SSH2: variants seen among roughly 807,000 people sequenced by gnomAD.
The protein encoded by SSH2 is protein phosphatase Slingshot homolog 2.
A neutral mutation model predicts 135.2 loss-of-function variants in SSH2; 37 were observed. The observed-to-expected ratio is 0.27, with a 90% confidence interval of 0.21 to 0.36. The LOEUF (loss-of-function observed/expected upper bound fraction) is 0.36. SSH2 is among the 10% of genes least tolerant of loss of function. The pLI is 1.00. For missense variants in SSH2, 1,408 were observed against 1,765.3 expected (o/e 0.80, Z 3.63); for synonymous variants, 628 against 646.2 (o/e 0.97, Z 0.43).
At chr17:29,912,144 T>C (rs1380901122) in intron 1 of SSH2, among the ~76,000 whole-genome samples, 1 of 152,190 alleles carries the variant, frequency 6.6e-6, no homozygotes, top group Non-Finnish European at 1.5e-5. Context: ...GCTGGCACTG[T>C]ACCTTTTACC....
chr17:29,897,722 G>C (rs1039840548), intron 1 of SSH2, among the ~76,000 whole-genome samples: 30 of 152,144 alleles, frequency 2.0e-4, no homozygotes, highest in Non-Finnish European at 3.8e-4. Flanking sequence ...AGATCAATGA[G>C]ACAGAAGGTT....
intron 14 of SSH2, 45 bp from the exon 15 acceptor site, chr17:29,636,847 G>A: frequency 7.4e-7 from 1 of 1,345,306 alleles, no homozygotes; most frequent in Non-Finnish European, 1.0e-6. Flanking sequence ...GGTTTGTAAA[G>A]ATAATCAACA....
chr17:29,881,197 A>G (rs2066131487), intron 1 of SSH2, among the ~76,000 whole-genome samples: 1 of 152,236 alleles, frequency 6.6e-6, no homozygotes, highest in Admixed American at 6.5e-5. Context: ...AAAGTGACTA[A>G]AGAGTTTTTA....
chr17:29,908,491 G>A (rs1380871701), intron 1 of SSH2, among the ~76,000 whole-genome samples: 3 of 151,892 alleles, frequency 2.0e-5, no homozygotes, highest in African/African-American at 4.8e-5. Context: ...CTGGCTGGGC[G>A]CAGTGGCTCA....
intron 3 of SSH2, among the ~76,000 whole-genome samples, chr17:29,788,025 G>A (rs543051282): frequency 6.6e-5 from 10 of 152,112 alleles, no homozygotes; most frequent in Admixed American, 3.3e-4. Context: ...CACTGCATTC[G>A]GCCTTGAGCA....
intron 2 of SSH2, among the ~76,000 whole-genome samples, chr17:29,845,818 C>G (rs1003622234): frequency 6.6e-6 from 1 of 152,010 alleles, no homozygotes; most frequent in African/African-American, 2.4e-5. Context: ...CCTTGGCCTC[C>G]GAAAGTGTTG....
rs1211155957 is a variant in SSH2 at position 29,761,878 on chromosome 17, TA to T, written c.188+32015del. ...GTGTGTGTGTGTGTGTGTGTATATA[TA>T]TATATATATTTTTTTTTGAGATGGA... On this transcript the variant is annotated intron_variant, in intron 3 of 15. Transcript: ENST00000540801. 1.9e-3 allele frequency among the ~76,000 whole-genome samples: 268 copies of T among 139,098 alleles called. 1 individual carries two copies. Among genetic ancestry groups the T allele is most frequent in the Middle Eastern group, 7.6e-3 (2 of 264 alleles). The allele number at this position is 139,098 out of a possible 152,430, so 91.3% of individuals were successfully genotyped here.
intron 1 of SSH2, among the ~76,000 whole-genome samples, chr17:29,904,802 G>T (rs2066623355): frequency 6.6e-6 from 1 of 152,154 alleles, no homozygotes; most frequent in Admixed American, 6.5e-5. Flanking sequence ...CTTCAGCAAT[G>T]TCTCAGGATA....
At chr17:29,680,201 G>A (rs887324015) in intron 6 of SSH2, among the ~76,000 whole-genome samples, 5 of 152,038 alleles carry the variant, frequency 3.3e-5, no homozygotes, top group African/African-American at 9.7e-5. Flanking sequence ...TCACTGCAGG[G>A]TTAAAGGAGG....
chr17:29,690,064 A>T (rs1055487801), intron 5 of SSH2, among the ~76,000 whole-genome samples: 4 of 151,514 alleles, frequency 2.6e-5, no homozygotes, highest in Admixed American at 6.6e-5. Flanking sequence ...ATCATCTAAC[A>T]TCAGGAAATA....
At chr17:29,717,371 A>G (rs1406497541) in intron 3 of SSH2, among the ~76,000 whole-genome samples, 1 of 152,230 alleles carries the variant, frequency 6.6e-6, no homozygotes, top group African/African-American at 2.4e-5. Context: ...TCTGGACTCA[A>G]GCAATCCTCC....
At chr17:29,756,628 A>G (rs2041137077) in intron 3 of SSH2, among the ~76,000 whole-genome samples, 2 of 151,080 alleles carry the variant, frequency 1.3e-5, no homozygotes, top group African/African-American at 2.4e-5. Context: ...CTTTAACACA[A>G]TTCTCACAGG....
intron 3 of SSH2, among the ~76,000 whole-genome samples, chr17:29,755,169 TTTTG>T (rs2041074330): frequency 6.6e-6 from 1 of 152,202 alleles, no homozygotes. Context: ...AAGTTCAGCT[TTTTG>T]TTTTACTAAA....
At chr17:29,661,061 C>CAAAAAAAAAAAAAAAAAAAAAAAAA (rs374216221) in intron 11 of SSH2, among the ~76,000 whole-genome samples, 6 of 48,358 alleles carry the variant, frequency 1.2e-4, no homozygotes, top group Admixed American at 2.4e-4. Context: ...AATTCCATCT[C>CAAAAAAAAAAAAAAAAAAAAAAAAA]AAAAAAAAAA....
At chr17:29,751,350 G>A (rs535195172) in intron 3 of SSH2, among the ~76,000 whole-genome samples, 1 of 152,226 alleles carries the variant, frequency 6.6e-6, no homozygotes, top group South Asian at 2.1e-4. Context: ...AGGAGGTGGA[G>A]GTTGCAGTGA....
chr17:29,647,569 A>C (rs376089641), intron 14 of SSH2: 1 of 152,200 alleles, frequency 6.6e-6, no homozygotes. Context: ...TTAAATGCTT[A>C]ATCTTCCATA....
chr17:29,781,582 C>T (rs961922171), intron 3 of SSH2, among the ~76,000 whole-genome samples: 2 of 148,458 alleles, frequency 1.3e-5, no homozygotes, highest in African/African-American at 2.5e-5. Flanking sequence ...TAGGTTCAAG[C>T]GATTCTCCTG....
chr17:29,864,263 C>A (rs1395382888), intron 1 of SSH2: 1 of 151,530 alleles, frequency 6.6e-6, no homozygotes, highest in African/African-American at 2.4e-5. Flanking sequence ...CAAGATTGCG[C>A]CATTGCACTC....
At chr17:29,715,557 TTC>T (rs2039595398) in intron 3 of SSH2, among the ~76,000 whole-genome samples, 2 of 152,154 alleles carry the variant, frequency 1.3e-5, no homozygotes, top group African/African-American at 4.8e-5. Context: ...CATGTCCTAT[TTC>T]TTAACTGGTT....
Sources: allele counts gnomAD v4.1 joint callset (sites outside exome capture counted in the v4.1 genomes callset), GRCh38; gene constraint gnomAD v4.1.1; transcripts MANE v1.5; gene names NCBI Gene and HGNC (gene_info 2026-07-23, HGNC 2026-07-21).